TRPM3: variants seen among roughly 807,000 people sequenced by gnomAD.
TRPM3 encodes transient receptor potential cation channel subfamily M member 3, also known as long transient receptor potential channel 3.
A neutral mutation model predicts 181.2 loss-of-function variants in TRPM3; 77 were observed. The observed-to-expected ratio is 0.42, with a 90% CI of 0.35 to 0.51. The LOEUF is 0.51. Ranked by LOEUF, TRPM3 falls within the 20% of genes least tolerant of loss-of-function variation. The pLI is 0.01. For synonymous variants in TRPM3, 745 were observed against 796.4 expected, an observed-to-expected ratio of 0.94 and a Z score of 1.09; for missense variants, 1,759 against 2,196.7, an observed-to-expected ratio of 0.80 and a Z score of 3.98.
intron 1 of TRPM3, among the ~76,000 whole-genome samples, chr9:71,094,721 C>T (rs998397813): frequency 6.6e-6 from 1 of 152,158 alleles, no homozygotes; most frequent in South Asian, 2.1e-4. Flanking sequence ...ATAAAAGTAT[C>T]ACACACAGTG....
At chr9:70,661,147 T>C (rs987942092) in intron 9 of TRPM3, among the ~76,000 whole-genome samples, 1 of 149,372 alleles carries the variant, frequency 6.7e-6, no homozygotes, top group Admixed American at 6.7e-5. Flanking sequence ...GTCAAGTCAA[T>C]AAGTGTGATA....
intron 5 of TRPM3, among the ~76,000 whole-genome samples, chr9:70,833,947 T>C (rs1167320724): frequency 1.3e-5 from 2 of 151,882 alleles, no homozygotes; most frequent in Admixed American, 1.3e-4. Flanking sequence ...AAGGAACCTC[T>C]GCGTCTGAGA....
chr9:71,142,835 T>A (rs2075192517), intron 1 of TRPM3, among the ~76,000 whole-genome samples: 1 of 152,040 alleles, frequency 6.6e-6, no homozygotes, highest in South Asian at 2.1e-4. Context: ...TCAGGCATGG[T>A]GGCTCATGTC....
chr9:71,431,329 G>A (rs1256422620), intron 1 of TRPM3, among the ~76,000 whole-genome samples: 2 of 152,096 alleles, frequency 1.3e-5, no homozygotes, highest in African/African-American at 2.4e-5. Flanking sequence ...ATAAGTAAAT[G>A]TTTCAGCACA....
intron 1 of TRPM3, among the ~76,000 whole-genome samples, chr9:71,378,550 A>G (rs1464720515): frequency 2.6e-5 from 4 of 152,032 alleles, no homozygotes; most frequent in African/African-American, 9.7e-5. Flanking sequence ...CTTATTGAAC[A>G]CCTAATAAAT....
At chr9:71,121,038 T>A (rs1587474511) in intron 1 of TRPM3, 140 bp downstream of exon 1, 1 of 729,390 alleles carries the variant, frequency 1.4e-6, no homozygotes, top group South Asian at 2.3e-5. Context: ...ACTGAGAACC[T>A]CTCTCCAGCC....
rs144414981 is a variant in TRPM3, at chr9:71,400,621, A to T, written c.183+46032T>A. Reference sequence around the variant, plus strand: ...TTAATTTTAACTTTTTCAATTTTCAAAATTAAATTTTTTGAAATTATTTAT... The same window carrying T: ...TTAATTTTAACTTTTTCAATTTTCATAATTAAATTTTTTGAAATTATTTAT... On this transcript the variant is annotated intron_variant, in intron 1 of 24. Coordinates refer to the TRPM3 transcript ENST00000357533. 2.8e-4 allele frequency among the ~76,000 whole-genome samples: 43 copies of T among 152,178 alleles called. No individual in the cohort carries two copies. In the East Asian group the frequency reaches 7.5e-3, roughly 27 times the overall value.
intron 6 of TRPM3, 87 bp from the exon 7 acceptor site, chr9:70,784,366 C>A: frequency 3.6e-6 from 5 of 1,399,690 alleles, no homozygotes; most frequent in Non-Finnish European, 4.8e-6. Flanking sequence ...AAACAAAAAG[C>A]ACAAACTAAA....
intron 1 of TRPM3, among the ~76,000 whole-genome samples, chr9:71,279,169 C>T (rs7021834): frequency 0.25 from 38,009 of 151,992 alleles, 5,653 homozygotes; most frequent in African/African-American, 0.4. Context: ...AACAGATGGG[C>T]CTTTACTACA....
intron 1 of TRPM3, among the ~76,000 whole-genome samples, chr9:71,296,973 G>A (rs1269352405): frequency 6.7e-6 from 1 of 150,180 alleles, no homozygotes; most frequent in Non-Finnish European, 1.5e-5. Context: ...AACAAACATG[G>A]GATGTGAATC....
At chr9:70,794,310 A>C (rs1440711297) in intron 6 of TRPM3, among the ~76,000 whole-genome samples, 1 of 152,162 alleles carries the variant, frequency 6.6e-6, no homozygotes, top group Non-Finnish European at 1.5e-5. Flanking sequence ...CTGATAATGA[A>C]GGGCTTAAAT....
intron 8 of TRPM3, among the ~76,000 whole-genome samples, chr9:70,687,971 A>G (rs1049793985): frequency 6.6e-6 from 1 of 152,224 alleles, no homozygotes; most frequent in Non-Finnish European, 1.5e-5. Context: ...TAAGTAAAAC[A>G]TATGATCTGC....
chr9:71,436,551 C>T (rs1306901864), intron 1 of TRPM3, among the ~76,000 whole-genome samples: 2 of 152,068 alleles, frequency 1.3e-5, no homozygotes, highest in African/African-American at 4.8e-5. Context: ...GATCTGCCCA[C>T]CTCGGCCTCC....
intron 1 of TRPM3, among the ~76,000 whole-genome samples, chr9:71,396,338 G>T (rs1343666580): frequency 2.7e-5 from 4 of 148,488 alleles, no homozygotes; most frequent in Non-Finnish European, 4.4e-5. Flanking sequence ...AATGTGCAAA[G>T]AGTTATGCGG....
chr9:71,199,186 C>A (rs572154541), intron 1 of TRPM3, among the ~76,000 whole-genome samples: 1 of 150,712 alleles, frequency 6.6e-6, no homozygotes, highest in Admixed American at 6.6e-5. Context: ...TATTGATTTG[C>A]GTATATTGAG....
intron 8 of TRPM3, among the ~76,000 whole-genome samples, chr9:70,697,871 C>T (rs929411173): frequency 6.6e-6 from 1 of 152,182 alleles, no homozygotes; most frequent in Non-Finnish European, 1.5e-5. Context: ...CATTCCAGGT[C>T]TGGGCTACTA....
At chr9:71,026,781 G>A (rs1308969010) in intron 1 of TRPM3, among the ~76,000 whole-genome samples, 1 of 152,194 alleles carries the variant, frequency 6.6e-6, no homozygotes, top group Non-Finnish European at 1.5e-5. Flanking sequence ...AATGTGCACA[G>A]AGGGAGCACA....
chr9:71,087,439 G>A (rs1248648501), intron 1 of TRPM3, among the ~76,000 whole-genome samples: 5 of 151,940 alleles, frequency 3.3e-5, no homozygotes, highest in Admixed American at 6.6e-5. Flanking sequence ...ATGACATTGA[G>A]CAAGCATAAA....
chr9:71,015,029 T>A (rs2097773282), intron 1 of TRPM3, among the ~76,000 whole-genome samples: 1 of 152,288 alleles, frequency 6.6e-6, no homozygotes, highest in South Asian at 2.1e-4. Context: ...AATGGCCTTA[T>A]GCACCTGGCC....
Sources: allele counts gnomAD v4.1 joint callset (sites outside exome capture counted in the v4.1 genomes callset), GRCh38; gene constraint gnomAD v4.1.1; transcripts MANE v1.5; gene names NCBI Gene and HGNC (gene_info 2026-07-23, HGNC 2026-07-21).